Variants in CARMIL1 observed in about 807,000 individuals in gnomAD.
CARMIL1 encodes F-actin-uncapping protein LRRC16A.
Under a neutral mutation model 177.1 loss-of-function variants are expected in CARMIL1, and 90 were observed. That is an observed-to-expected ratio of 0.51 (90% CI 0.43 to 0.61). The LOEUF (loss-of-function observed/expected upper bound fraction) is 0.61. Ranked by LOEUF, CARMIL1 falls within the 20% of genes least tolerant of loss-of-function variation. The probability of loss-of-function intolerance (pLI) is 0.00; values close to 1 mark genes in which losing one functional copy is unlikely to be tolerated. For missense variants in CARMIL1, 1,380 were observed against 1,667.0 expected, an observed-to-expected ratio of 0.83 and a Z score of 3.00; for synonymous variants, 577 against 606.2, an observed-to-expected ratio of 0.95 and a Z score of 0.71.
rs188325651 is a variant in CARMIL1 at position 25,614,229 on chromosome 6, C to T, written c.3979+4048C>T. ...CACATGTGCTCACTTGCCTGGGGTT[C>T]CGGCGTATACTAGCTAGGTGGCAGG... On this transcript the variant is annotated intron_variant, in intron 36 of 36. Transcript: ENST00000329474. Among the ~76,000 whole-genome samples, 35 of 152,276 alleles carry T rather than the reference C, an allele frequency of 2.3e-4. No individual in the cohort carries two copies. In the East Asian group the frequency reaches 6.2e-3, roughly 27 times the overall value.
chr6:25,553,960 C>A, intron 27 of CARMIL1, 49 bp from the exon 28 acceptor site: 1 of 1,222,312 alleles, frequency 8.2e-7, no homozygotes, highest in Non-Finnish European at 1.2e-6. Flanking sequence ...ATCATTTTCC[C>A]CTCTTGCACA....
At chr6:25,292,871 A>G (rs1021500130) in intron 2 of CARMIL1, among the ~76,000 whole-genome samples, 1 of 152,162 alleles carries the variant, frequency 6.6e-6, no homozygotes, top group East Asian at 1.9e-4. Flanking sequence ...AAGCCAGGAA[A>G]TCTAATCAAA....
intron 2 of CARMIL1, among the ~76,000 whole-genome samples, chr6:25,354,775 C>G (rs907092988): frequency 6.6e-6 from 1 of 152,184 alleles, no homozygotes. Context: ...GAAGACTTTT[C>G]CAACGTTTCT....
At chr6:25,361,754 T>G (rs1238744668) in intron 2 of CARMIL1, among the ~76,000 whole-genome samples, 22 of 152,090 alleles carry the variant, frequency 1.4e-4, no homozygotes, top group Admixed American at 1.4e-3. Context: ...AATAAGGTCA[T>G]CAGGGGGGTT....
At position 25,463,727 on chromosome 6, in the gene CARMIL1, A is replaced by G. The variant is rs184610615; in HGVS notation, c.615-2146A>G. On this transcript the variant is annotated intron_variant, in intron 8 of 36. Transcript: ENST00000329474. Reference sequence around the variant, plus strand: ...CTGTAATTAGGCAATAGGAAGAGATACAGGAACTTGTTCTGAGCACAGAGC... The same window carrying G: ...CTGTAATTAGGCAATAGGAAGAGATGCAGGAACTTGTTCTGAGCACAGAGC... Among the ~76,000 whole-genome samples, 20 of 152,310 alleles carry G rather than the reference A, an allele frequency of 1.3e-4. No homozygotes were observed. The East Asian group carries it at 3.9e-3, about 29-fold the overall frequency.
In CARMIL1 at chr6:25,482,289, C is replaced by A; in HGVS notation, c.907C>A (p.Leu303Ile). 6.3e-7 allele frequency: 1 copy of A among 1,591,654 alleles called. No individual in the cohort carries two copies. The highest frequency in any genetic ancestry group is 8.6e-7 in the Non-Finnish European group (1 of 1,166,274). The change falls in exon 12 of 37, where the codon CTC becomes ATC. Residue 303 changes from leucine to isoleucine, a missense_variant. Physicochemically the swap from Leu to Ile is conservative, Grantham distance 5. Transcript: ENST00000329474. ...VSSLSIQFAK[L>I]PKGLKHLNLS... ...CTCTTTAAGTATTCAATTTGCCAAA[C>A]TCCCAAAGGGATTAAAGCACTTAAA...
intron 2 of CARMIL1, among the ~76,000 whole-genome samples, chr6:25,345,600 C>T (rs770677877): frequency 6.6e-6 from 1 of 152,096 alleles, no homozygotes; most frequent in Non-Finnish European, 1.5e-5. Context: ...TAAGAGAAGA[C>T]ATTTGGTGTC....
At chr6:25,343,217 A>T (rs1232955111) in intron 2 of CARMIL1, among the ~76,000 whole-genome samples, 8 of 152,174 alleles carry the variant, frequency 5.3e-5, no homozygotes, top group Non-Finnish European at 1.0e-4. Context: ...TTATAATTTT[A>T]AAAAATGCAG....
chr6:25,318,583 C>T (rs1784445355), intron 2 of CARMIL1, among the ~76,000 whole-genome samples: 2 of 152,158 alleles, frequency 1.3e-5, no homozygotes, highest in Admixed American at 6.5e-5. Flanking sequence ...TTCTCTGCCT[C>T]GTACCTCAAG....
chr6:25,463,140 A>G (rs1800268497), intron 8 of CARMIL1, among the ~76,000 whole-genome samples: 1 of 152,230 alleles, frequency 6.6e-6, no homozygotes, highest in Non-Finnish European at 1.5e-5. Flanking sequence ...TATGAATCAT[A>G]GAACAATTTA....
chr6:25,529,652 C>T (rs1022419075), intron 24 of CARMIL1, among the ~76,000 whole-genome samples: 1 of 92,314 alleles, frequency 1.1e-5, no homozygotes, highest in Non-Finnish European at 2.3e-5. Context: ...TAAGAATAGG[C>T]TGCTAGAATG....
intron 32 of CARMIL1, among the ~76,000 whole-genome samples, chr6:25,596,705 G>A (rs1814885635): frequency 1.3e-5 from 2 of 152,262 alleles, no homozygotes; most frequent in African/African-American, 2.4e-5. Flanking sequence ...TATACTTGCA[G>A]TTTTACATCC....
intron 2 of CARMIL1, among the ~76,000 whole-genome samples, chr6:25,318,337 C>T (rs146568752): frequency 3.3e-4 from 50 of 152,148 alleles, no homozygotes; most frequent in African/African-American, 1.0e-3. Context: ...ATTTGGGCAA[C>T]GGGTGAGGTG....
chr6:25,443,787 T>C (rs1333381351), intron 5 of CARMIL1, among the ~76,000 whole-genome samples: 1 of 151,796 alleles, frequency 6.6e-6, no homozygotes, highest in Non-Finnish European at 1.5e-5. Context: ...TTGCTAAGAG[T>C]TGGGGTGGCT....
intron 11 of CARMIL1, among the ~76,000 whole-genome samples, chr6:25,480,234 T>C (rs970512404): frequency 2.0e-5 from 3 of 152,156 alleles, no homozygotes; most frequent in Non-Finnish European, 4.4e-5. Context: ...TTTCTGTTCA[T>C]TTATTAGCTA....
At chr6:25,510,657 C>T (rs1297612064) in intron 19 of CARMIL1, 51 bp downstream of exon 19, 1 of 1,502,268 alleles carries the variant, frequency 6.7e-7, no homozygotes, top group Non-Finnish European at 9.0e-7. Context: ...AACCAGCCTC[C>T]TGAAAGCTTT....
At chr6:25,383,695 A>G (rs185627707) in intron 2 of CARMIL1, 117 of 152,338 alleles carry the variant, frequency 7.7e-4, no homozygotes, top group African/African-American at 2.5e-3. Context: ...GAAATGTTTC[A>G]TATTTTTTAA....
intron 33 of CARMIL1, among the ~76,000 whole-genome samples, chr6:25,601,867 C>T (rs1008964997): frequency 3.3e-5 from 5 of 152,188 alleles, no homozygotes; most frequent in African/African-American, 1.2e-4. Flanking sequence ...ATAAGATGAA[C>T]ATACCTATGT....
intron 29 of CARMIL1, among the ~76,000 whole-genome samples, chr6:25,573,590 CAAAAAAA>C (rs5875051): frequency 3.1e-4 from 22 of 69,980 alleles, no homozygotes; most frequent in Admixed American, 9.0e-4. Flanking sequence ...TACCTCTAAG[CAAAAAAA>C]AAAAAAAAAA....
Sources: gnomAD v4.1 joint callset for allele counts (sites outside exome capture counted in the v4.1 genomes callset) on GRCh38, gnomAD v4.1.1 for gene constraint, MANE v1.5 for transcripts, NCBI Gene and HGNC (gene_info 2026-07-23, HGNC 2026-07-21) for gene names.